Variants in NBAS observed in about 807,000 individuals in gnomAD.
The protein encoded by NBAS is NBAS subunit of NRZ tethering complex.
A neutral mutation model predicts 302.5 loss-of-function variants in NBAS; 219 were observed. The ratio of observed to expected loss-of-function variants is 0.72; its 90% CI spans 0.65 to 0.81. NBAS has a LOEUF of 0.81. Ranked by LOEUF, NBAS falls within the 30% of genes least tolerant of loss-of-function variation. The pLI, the probability that NBAS is intolerant of heterozygous loss-of-function variation, is 0.00. For missense variants in NBAS, 2,932 were observed against 2,841.6 expected, an observed-to-expected ratio of 1.03 and a Z score of -0.72; for synonymous variants, 1,118 against 1,021.6, an observed-to-expected ratio of 1.09 and a Z score of -1.80.
At chr2:14,851,092 A>C in the NBAS span, among the ~76,000 whole-genome samples, 2 of 128,856 alleles carry the variant, frequency 1.6e-5, no homozygotes, top group Admixed American at 1.4e-4. Context: ...AGCAGAACTG[A>C]AGGAAATAGA....
chr2:14,896,835 G>A, the NBAS span, among the ~76,000 whole-genome samples: 1 of 152,140 alleles, frequency 6.6e-6, no homozygotes, highest in Non-Finnish European at 1.5e-5. Flanking sequence ...TAATGTCTCT[G>A]TTGATAATGT....
At chr2:14,797,194 G>A in the NBAS span, among the ~76,000 whole-genome samples, 7,859 of 151,734 alleles carry the variant, frequency 0.052, 220 homozygotes, top group African/African-American at 0.059. Context: ...GGTAGGCGTT[G>A]TCCACTTCAG....
intron 21 of NBAS, among the ~76,000 whole-genome samples, chr2:15,428,427 A>G (rs1677586044): frequency 6.6e-6 from 1 of 152,196 alleles, no homozygotes; most frequent in Non-Finnish European, 1.5e-5. Context: ...TATCACTGAA[A>G]AACAACAGAA....
At chr2:15,365,400 T>C (rs1674148920) in intron 32 of NBAS, among the ~76,000 whole-genome samples, 1 of 152,214 alleles carries the variant, frequency 6.6e-6, no homozygotes, top group Non-Finnish European at 1.5e-5. Flanking sequence ...TACAGAGCAC[T>C]TTCACATGCA....
At chr2:15,191,265 C>T (rs1665342013) in intron 48 of NBAS, among the ~76,000 whole-genome samples, 1 of 152,162 alleles carries the variant, frequency 6.6e-6, no homozygotes, top group Admixed American at 6.5e-5. Flanking sequence ...TACCTGTATA[C>T]ATGCTACATT....
At chr2:15,156,980 C>G in the NBAS span, among the ~76,000 whole-genome samples, 2 of 152,248 alleles carry the variant, frequency 1.3e-5, no homozygotes, top group African/African-American at 4.8e-5. Flanking sequence ...GACCCACCCC[C>G]CTCTCACACA....
At chr2:14,849,735 T>G in the NBAS span, among the ~76,000 whole-genome samples, 1 of 143,404 alleles carries the variant, frequency 7.0e-6, no homozygotes, top group Non-Finnish European at 1.5e-5. Flanking sequence ...AGATCTCTTG[T>G]CAGAAACCCT....
At chr2:15,160,609 G>T in the NBAS span, among the ~76,000 whole-genome samples, 13 of 150,258 alleles carry the variant, frequency 8.7e-5, no homozygotes, top group African/African-American at 3.2e-4. Context: ...GGGGCAGGAG[G>T]CTGGACCAGG....
chr2:14,797,094 CA>C, the NBAS span, among the ~76,000 whole-genome samples: 1,090 of 91,100 alleles, frequency 0.012, 1 homozygote, highest in Non-Finnish European at 0.016. Context: ...GACTCCGTCT[CA>C]AAAAAAAAAA....
At chr2:14,882,603 A>G in the NBAS span, among the ~76,000 whole-genome samples, 9 of 152,208 alleles carry the variant, frequency 5.9e-5, no homozygotes, top group Non-Finnish European at 8.8e-5. Context: ...AAGAGAAATT[A>G]TCAAGAAAAC....
intron 21 of NBAS, among the ~76,000 whole-genome samples, chr2:15,444,950 A>G (rs1234055025): frequency 4.7e-5 from 7 of 149,918 alleles, no homozygotes; most frequent in Non-Finnish European, 1.0e-4. Flanking sequence ...CAAAACCACA[A>G]TGAGATACCA....
At chr2:15,510,266 C>T (rs190545307) in intron 10 of NBAS, among the ~76,000 whole-genome samples, 196 of 152,322 alleles carry the variant, frequency 1.3e-3, no homozygotes, top group Non-Finnish European at 1.7e-3. Context: ...TCTTTCTGGA[C>T]ACATAGAAAA....
chr2:15,461,942 A>G, intron 19 of NBAS, 151 bp from the exon 20 acceptor site: 1 of 600,426 alleles, frequency 1.7e-6, no homozygotes, highest in Non-Finnish European at 3.0e-6. Flanking sequence ...CTAAAGTACT[A>G]CATCTGCATT....
chr2:15,523,840 G>C (rs1410477476), intron 9 of NBAS, among the ~76,000 whole-genome samples: 1 of 152,138 alleles, frequency 6.6e-6, no homozygotes, highest in East Asian at 1.9e-4. Flanking sequence ...CTTGAACCTG[G>C]AAGACAGATG....
chr2:15,439,305 TAA>T (rs74898089), intron 21 of NBAS, among the ~76,000 whole-genome samples: 25 of 74,378 alleles, frequency 3.4e-4, no homozygotes, highest in Admixed American at 4.9e-4. Flanking sequence ...CGGTCTCAAA[TAA>T]AAAAAAAAAA....
intron 48 of NBAS, among the ~76,000 whole-genome samples, chr2:15,192,565 C>T (rs572440079): frequency 2.0e-5 from 3 of 152,142 alleles, no homozygotes; most frequent in Non-Finnish European, 4.4e-5. Context: ...TACAACTACA[C>T]AAATGATACT....
intron 29 of NBAS, among the ~76,000 whole-genome samples, chr2:15,381,638 C>A (rs1313737016): frequency 6.6e-6 from 1 of 152,144 alleles, no homozygotes; most frequent in Non-Finnish European, 1.5e-5. Flanking sequence ...ACAAACACTA[C>A]CTCAAACACA....
intron 11 of NBAS, among the ~76,000 whole-genome samples, chr2:15,492,721 A>G (rs1272947477): frequency 6.6e-6 from 1 of 152,110 alleles, no homozygotes; most frequent in Non-Finnish European, 1.5e-5. Context: ...TCGGCCTCCC[A>G]AAGTGTTGAG....
intron 6 of NBAS, among the ~76,000 whole-genome samples, chr2:15,549,562 T>C (rs1439651730): frequency 6.6e-6 from 1 of 151,114 alleles, no homozygotes; most frequent in Non-Finnish European, 1.5e-5. Context: ...CCTGTATCTG[T>C]AAAAAACACA....
Sources: gnomAD v4.1 joint callset for allele counts (sites outside exome capture counted in the v4.1 genomes callset) on GRCh38, gnomAD v4.1.1 for gene constraint, MANE v1.5 for transcripts, NCBI Gene and HGNC (gene_info 2026-07-23, HGNC 2026-07-21) for gene names.